Variants in TMEM52B observed in about 807,000 individuals in gnomAD.
TMEM52B encodes the protein chromosome 12 open reading frame 59.
Under a neutral mutation model 16.1 loss-of-function variants are expected in TMEM52B, and 11 were observed. The observed-to-expected ratio is 0.68, with a 90% CI of 0.43 to 1.13. TMEM52B has a LOEUF of 1.13. Among genes scored for constraint, TMEM52B ranks in the 50% most tolerant of loss-of-function variants. The pLI is 0.00. For missense variants in TMEM52B, 243 were observed against 230.4 expected (o/e 1.05, Z -0.35); for synonymous variants, 101 against 93.8 (o/e 1.08, Z -0.45).
At chr12:10,175,837 C>T (rs1414244250), upstream of TMEM52B, among the ~76,000 whole-genome samples, 1 of 152,184 alleles carries the variant, frequency 6.6e-6, no homozygotes, top group Non-Finnish European at 1.5e-5. Flanking sequence ...TTTATTGAGG[C>T]ACAGAGAGGA....
At chr12:10,184,915 T>C (rs185870444) in intron 2 of TMEM52B, among the ~76,000 whole-genome samples, 85 of 152,310 alleles carry the variant, frequency 5.6e-4, no homozygotes, top group African/African-American at 1.9e-3. Context: ...GGTTTCACTA[T>C]GTTGGCCAGG....
intron 4 of TMEM52B, among the ~76,000 whole-genome samples, chr12:10,188,527 AG>A (rs1565428810): frequency 1.4e-4 from 18 of 126,196 alleles, no homozygotes; most frequent in Admixed American, 4.6e-4. Context: ...GAAGGAAGGA[AG>A]GAAGGAAGGA....
At chr12:10,174,343 G>A (rs890697729), upstream of TMEM52B, among the ~76,000 whole-genome samples, 7 of 152,154 alleles carry the variant, frequency 4.6e-5, no homozygotes, top group African/African-American at 1.7e-4. Flanking sequence ...GATTACAAGC[G>A]TGAGCCACCG....
intron 3 of TMEM52B, among the ~76,000 whole-genome samples, chr12:10,185,781 AC>A (rs1164698964): frequency 5.3e-5 from 8 of 152,022 alleles, no homozygotes; most frequent in Non-Finnish European, 4.4e-5. Context: ...GGTGGCTCAC[AC>A]CTGTAATCCT....
chr12:10,182,473 A>C, intron 1 of TMEM52B, 77 bp from the exon 2 acceptor site: 1 of 1,507,696 alleles, frequency 6.6e-7, no homozygotes, highest in Non-Finnish European at 8.9e-7. Context: ...CAGCACAACC[A>C]TGAGAGATGA....
intron 1 of TMEM52B, among the ~76,000 whole-genome samples, chr12:10,171,327 T>C (rs1948714758): frequency 6.6e-6 from 1 of 152,202 alleles, no homozygotes; most frequent in Non-Finnish European, 1.5e-5. Context: ...TAAAAGGCAA[T>C]TTACCCAGAT....
In TMEM52B at chr12:10,185,341, C is replaced by A; in HGVS notation, c.110C>A (p.Thr37Lys). Residue 37 changes from threonine to lysine, a missense_variant, in exon 3 of 5, where the codon ACA becomes AAA. Physicochemically the swap from Thr to Lys is moderately conservative, Grantham distance 78. Coordinates refer to ENST00000543484, the MANE Select transcript of TMEM52B (RefSeq NM_001384896.1). Reference sequence around the variant, plus strand: ...TTCTTTCTTTATAGTTGCCTGACCACAGACTGGGTACATCTCTGGTATATA... The same window carrying A: ...TTCTTTCTTTATAGTTGCCTGACCAAAGACTGGGTACATCTCTGGTATATA... ...NCGNPEHCLT[T>K]DWVHLWYIWL... is the part of the protein sequence containing the mutation. 1 of 1,606,828 alleles carries A rather than the reference C, an allele frequency of 6.2e-7. No individual in the cohort carries two copies.
chr12:10,185,542 A>G (rs878919778), intron 3 of TMEM52B, among the ~76,000 whole-genome samples, 174 bp downstream of exon 3: 9 of 152,188 alleles, frequency 5.9e-5, no homozygotes, highest in Non-Finnish European at 1.2e-4. Flanking sequence ...GCAAACATCA[A>G]ACCATTACTG....
chr12:10,185,545 C>T (rs970919880), intron 3 of TMEM52B, among the ~76,000 whole-genome samples, 177 bp downstream of exon 3: 11 of 152,186 alleles, frequency 7.2e-5, no homozygotes, highest in African/African-American at 2.4e-4. Flanking sequence ...AACATCAAAC[C>T]ATTACTGTGT....
intron 4 of TMEM52B, among the ~76,000 whole-genome samples, chr12:10,187,733 T>G (rs970664660): frequency 1.3e-5 from 2 of 152,250 alleles, no homozygotes; most frequent in East Asian, 3.9e-4. Context: ...GCCTGGACTA[T>G]GCTCTTTCCT....
intron 4 of TMEM52B, among the ~76,000 whole-genome samples, chr12:10,188,974 G>C (rs540731327): frequency 7.8e-6 from 1 of 127,552 alleles, no homozygotes; most frequent in Non-Finnish European, 1.6e-5. Flanking sequence ...CCGAGATCGC[G>C]CCACTGCACT....
chr12:10,178,395 C>A (rs1407221920), upstream of TMEM52B, among the ~76,000 whole-genome samples: 3 of 151,590 alleles, frequency 2.0e-5, no homozygotes, highest in Non-Finnish European at 4.4e-5. Context: ...TGGTGGTGGG[C>A]GCCAGTATTC....
chr12:10,172,222 C>G, intron 1 of TMEM52B: 2 of 607,746 alleles, frequency 3.3e-6, no homozygotes, highest in South Asian at 4.3e-5. Context: ...GAAGGAGAGG[C>G]TTTGCTTCAT....
chr12:10,178,042 C>G (rs1408779914), upstream of TMEM52B, among the ~76,000 whole-genome samples: 3 of 150,930 alleles, frequency 2.0e-5, no homozygotes, highest in East Asian at 4.1e-4. Flanking sequence ...ATTACAGGTG[C>G]CTGCCATGAC....
intron 1 of TMEM52B, chr12:10,182,088 T>C (rs901638394): frequency 8.4e-5 from 83 of 983,140 alleles, no homozygotes; most frequent in Middle Eastern, 5.2e-4. Flanking sequence ...TAGTAGCTAT[T>C]CGATAAATAA....
chr12:10,186,714 T>C, intron 4 of TMEM52B, 125 bp downstream of exon 4: 1 of 1,014,846 alleles, frequency 9.9e-7, no homozygotes, highest in African/African-American at 1.6e-5. Flanking sequence ...ATAATTTCCA[T>C]TCCCAGAAGC....
intron 1 of TMEM52B, among the ~76,000 whole-genome samples, chr12:10,173,763 TAAAA>T (rs5796383): frequency 7.7e-6 from 1 of 130,328 alleles, no homozygotes; most frequent in Non-Finnish European, 1.6e-5. Context: ...AGACTCCCTT[TAAAA>T]AAAAAAAAAA....
At position 10,187,099 on chromosome 12, in the gene TMEM52B, G is replaced by GTTTTTTTTTTTTT. The variant is rs71049057; in HGVS notation, c.307+519_307+531dup. 1.1e-4 allele frequency among the ~76,000 whole-genome samples: 9 copies of GTTTTTTTTTTTTT among 82,166 alleles called. 1 individual carries two copies. The highest frequency in any genetic ancestry group is 3.5e-4 in the African/African-American group (7 of 20,248). 53.9% of individuals were successfully genotyped at this position (82,166 alleles called of 152,430 possible). On this transcript the variant is annotated intron_variant, in intron 4 of 4. Transcript: ENST00000543484. The stretch of plus-strand genomic sequence containing the variant: ...CTGTGGTTCTATTCTTTCCATGACG[G>GTTTTTTTTTTTTT]TTTTTTTTTTTTTTTTTTTTTGAGA...
chr12:10,185,311 C>A lies in TMEM52B; in HGVS notation c.99-19C>A, dbSNP rs1948867398. 6.3e-7 allele frequency: 1 copy of A among 1,582,056 alleles called. No homozygotes were observed. The highest frequency in any genetic ancestry group is 8.7e-7 in the Non-Finnish European group (1 of 1,151,326). On this transcript the variant is annotated intron_variant, in intron 2 of 4. Transcript: ENST00000543484. The stretch of plus-strand genomic sequence containing the variant: ...TTGACTATATTTTTAATGTAGAAAA[C>A]TTTATTCTTTCTTTATAGTTGCCTG...
Sources: allele counts gnomAD v4.1 joint callset (sites outside exome capture counted in the v4.1 genomes callset), GRCh38; gene constraint gnomAD v4.1.1; transcripts MANE v1.5; gene names NCBI Gene and HGNC (gene_info 2026-07-23, HGNC 2026-07-21).